Variants in ALDH6A1 observed in about 807,000 individuals in gnomAD.
ALDH6A1 encodes aldehyde dehydrogenase 6 family member A1.
ALDH6A1 carries 43 observed loss-of-function variants against 62.6 expected under a neutral mutation model. That is an observed-to-expected ratio of 0.69 (90% CI 0.54 to 0.89). The LOEUF is 0.89. ALDH6A1 is among the 40% of genes least tolerant of loss of function. ALDH6A1 has a pLI of 0.00. For missense variants in ALDH6A1, 551 were observed against 661.3 expected (o/e 0.83, Z 1.83); for synonymous variants, 194 against 234.2 (o/e 0.83, Z 1.57).
At chr14:74,066,973 T>C (rs928301513) in intron 8 of ALDH6A1, 87 bp from the exon 9 acceptor site, 11 of 1,327,302 alleles carry the variant, frequency 8.3e-6, no homozygotes, top group African/African-American at 4.3e-5. Flanking sequence ...CCCAAAGCTT[T>C]AGGAGGCCAA....
chr14:74,067,582 G>C lies in ALDH6A1; in HGVS notation c.853-13C>G. On this transcript the variant is annotated splice_polypyrimidine_tract_variant and intron_variant, in intron 7 of 11. Coordinates refer to ENST00000553458, the MANE Select transcript of ALDH6A1 (RefSeq NM_005589.4). The stretch of plus-strand genomic sequence containing the variant: ...GGTTCTTGGCTCCCTAAAAAAAAAT[G>C]CAGAAAGCACATGAGTCTTCCTTGG... 1 of 1,612,610 alleles carries C rather than the reference G, an allele frequency of 6.2e-7. No individual in the cohort carries two copies. Among genetic ancestry groups the C allele is most frequent in the Non-Finnish European group, 8.5e-7 (1 of 1,179,156 alleles).
In ALDH6A1 at chr14:74,062,051, G is replaced by GAAA. The variant is rs369414700; in HGVS notation, c.1504-1308_1504-1306dup. On this transcript the variant is annotated intron_variant, in intron 11 of 11. Coordinates refer to ENST00000553458, the MANE Select transcript of ALDH6A1 (RefSeq NM_005589.4). ...CATGGCGAAACCTCGTCTCTACTGG[G>GAAA]AAAAAAAAAAAAAAAAAAAAAAAAA... is the stretch of plus-strand genomic sequence containing the variant. Among the ~76,000 whole-genome samples, 192 of 59,592 alleles carry GAAA rather than the reference G, an allele frequency of 3.2e-3. 6 individuals carry two copies. Among genetic ancestry groups the GAAA allele is most frequent in the African/African-American group, 0.01 (177 of 16,956 alleles). The allele number at this position is 59,592 out of a possible 152,430, so 39.1% of individuals were successfully genotyped here. A position where few individuals can be genotyped will look rare whatever the true frequency, so the allele number is the denominator to read the frequency against.
In ALDH6A1 at chr14:74,062,051, GAAAAAAAAA is replaced by G. The variant is rs369414700; in HGVS notation, c.1504-1314_1504-1306del. Among the ~76,000 whole-genome samples, 4 of 59,578 alleles carry G rather than the reference GAAAAAAAAA, an allele frequency of 6.7e-5. No homozygotes were observed. In the Admixed American group the frequency reaches 7.4e-4, roughly 11 times the overall value. The allele number at this position is 59,578 out of a possible 152,430, so 39.1% of individuals were successfully genotyped here. A position where few individuals can be genotyped will look rare whatever the true frequency, so the allele number is the denominator to read the frequency against. On this transcript the variant is annotated intron_variant, in intron 11 of 11. Coordinates refer to ENST00000553458, the MANE Select transcript of ALDH6A1 (RefSeq NM_005589.4). ...CATGGCGAAACCTCGTCTCTACTGG[GAAAAAAAAA>G]AAAAAAAAAAAAAAAAAAAAGCTGG...
rs2060303634 is a variant in ALDH6A1, at chr14:74,059,978, G to C, written c.*664C>G. 1 of 154,440 alleles carries C rather than the reference G, an allele frequency of 6.5e-6. No individual in the cohort carries two copies. The highest frequency in any genetic ancestry group is 1.4e-5 in the Non-Finnish European group (1 of 69,578). The allele number at this position is 154,440 out of a possible 1,614,324, so 9.6% of individuals were successfully genotyped here. On this transcript the variant is annotated 3_prime_UTR_variant, in exon 12 of 12. Transcript: ENST00000553458. ...GATATATAAAAATGGATTATATCTT[G>C]TGTATTGTGGGATAAAAGAGGGGCT...
chr14:74,079,341 G>A (rs571295344), intron 1 of ALDH6A1, among the ~76,000 whole-genome samples: 13 of 151,918 alleles, frequency 8.6e-5, no homozygotes, highest in Admixed American at 8.5e-4. Flanking sequence ...CCACCTCCCG[G>A]GTTCAGGCGA....
intron 1 of ALDH6A1, among the ~76,000 whole-genome samples, chr14:74,075,998 A>G (rs2060609023): frequency 6.6e-6 from 1 of 152,234 alleles, no homozygotes; most frequent in African/African-American, 2.4e-5. Context: ...GTATGATTCT[A>G]CTTATGTAAC....
In ALDH6A1 at chr14:74,070,322, T is replaced by C. The variant is rs543218933; in HGVS notation, c.730+873A>G. On this transcript the variant is annotated intron_variant, in intron 6 of 11. Transcript: ENST00000553458. Reference sequence around the variant, plus strand: ...TCACCTGAGGTCAGGAGTTTGAGACTAGCCTGGCCAACATGGTGAAACCCC... The same window carrying C: ...TCACCTGAGGTCAGGAGTTTGAGACCAGCCTGGCCAACATGGTGAAACCCC... Among the ~76,000 whole-genome samples, 175 of 152,092 alleles carry C rather than the reference T, an allele frequency of 1.2e-3. 3 individuals carry two copies. The highest frequency in any genetic ancestry group is 9.3e-3 in the Admixed American group (142 of 15,276).
At chr14:74,061,710 CT>C (rs923449510) in intron 11 of ALDH6A1, among the ~76,000 whole-genome samples, 1 of 152,070 alleles carries the variant, frequency 6.6e-6, no homozygotes, top group Admixed American at 6.6e-5. Context: ...AGTAAAATGT[CT>C]GACATTATAC....
At chr14:74,062,524 C>A (rs1197817936) in intron 11 of ALDH6A1, among the ~76,000 whole-genome samples, 1 of 151,902 alleles carries the variant, frequency 6.6e-6, no homozygotes, top group Non-Finnish European at 1.5e-5. Flanking sequence ...TTGCTTGAAC[C>A]CTGGAGGCTG....
intron 1 of ALDH6A1, among the ~76,000 whole-genome samples, chr14:74,082,112 G>A (rs539609751): frequency 1.3e-5 from 2 of 152,266 alleles, no homozygotes; most frequent in Admixed American, 1.3e-4. Context: ...GGCTGAGATG[G>A]AAGAATCACT....
chr14:74,072,795 T>A (rs2060568647), intron 2 of ALDH6A1, among the ~76,000 whole-genome samples, 184 bp from the exon 3 acceptor site: 1 of 152,110 alleles, frequency 6.6e-6, no homozygotes, highest in Non-Finnish European at 1.5e-5. Flanking sequence ...ATTCTGTGTG[T>A]GTGTGTTTAT....
intron 6 of ALDH6A1, chr14:74,070,608 G>A (rs2060536523): frequency 6.2e-6 from 1 of 161,238 alleles, no homozygotes; most frequent in South Asian, 1.8e-4. Context: ...GTAATATAGT[G>A]TAGTTTTTAA....
intron 6 of ALDH6A1, among the ~76,000 whole-genome samples, chr14:74,070,232 C>T (rs780145108): frequency 6.6e-6 from 1 of 151,978 alleles, no homozygotes; most frequent in African/African-American, 2.4e-5. Context: ...TTAAGAATAA[C>T]AATAGGCAAG....
Position 74,058,056 on chromosome 14 carries a change from G to A in ALDH6A1, c.*2586C>T, listed in dbSNP as rs553057554. 29 of 352,498 alleles carry A rather than the reference G, an allele frequency of 8.2e-5. No individual in the cohort carries two copies. The highest frequency in any genetic ancestry group is 1.1e-4 in the Non-Finnish European group (28 of 251,214). The allele number at this position is 352,498 out of a possible 1,614,324, so 21.8% of individuals were successfully genotyped here. A position where few individuals can be genotyped will look rare whatever the true frequency, so the allele number is the denominator to read the frequency against. Reference sequence around the variant, plus strand: ...AAATATCACTACCAGGGCCAGGTGCGGTGGTTCACGCCTGTAATCCCAGCA... The same window carrying A: ...AAATATCACTACCAGGGCCAGGTGCAGTGGTTCACGCCTGTAATCCCAGCA... On this transcript the variant is annotated 3_prime_UTR_variant, in exon 12 of 12. Coordinates refer to ENST00000553458, the MANE Select transcript of ALDH6A1 (RefSeq NM_005589.4).
intron 5 of ALDH6A1, 183 bp from the exon 6 acceptor site, chr14:74,071,680 C>T (rs1329468386): frequency 1.3e-6 from 2 of 1,506,736 alleles, no homozygotes; most frequent in Non-Finnish European, 8.9e-7. Flanking sequence ...AAAAATACAG[C>T]GATATGTATA....
chr14:74,072,162 T>C, intron 4 of ALDH6A1, 41 bp downstream of exon 4: 1 of 1,613,822 alleles, frequency 6.2e-7, no homozygotes, highest in Non-Finnish European at 8.5e-7. Context: ...AAACATGCCC[T>C]AGGTGACAGT....
chr14:74,067,869 G>A (rs2060492860), intron 7 of ALDH6A1, among the ~76,000 whole-genome samples: 1 of 152,004 alleles, frequency 6.6e-6, no homozygotes, highest in Non-Finnish European at 1.5e-5. Flanking sequence ...AGGTTGCAGT[G>A]AGCCAAGATC....
At chr14:74,061,365 G>A (rs1201748030) in intron 11 of ALDH6A1, among the ~76,000 whole-genome samples, 1 of 151,800 alleles carries the variant, frequency 6.6e-6, no homozygotes, top group Non-Finnish European at 1.5e-5. Context: ...GCAGTGGTGT[G>A]ATCTTGGCTC....
chr14:74,057,953 G>A lies in ALDH6A1; in HGVS notation c.*2689C>T. ...TAAGGAAAATGTTAGGAATCTCTGTGACTACATTTAATTCCACTTGGAATA... is the reference window on the plus strand; with the variant it reads ...TAAGGAAAATGTTAGGAATCTCTGTAACTACATTTAATTCCACTTGGAATA... On this transcript the variant is annotated 3_prime_UTR_variant, in exon 12 of 12. Coordinates refer to ENST00000553458, the MANE Select transcript of ALDH6A1 (RefSeq NM_005589.4). The A allele has an allele frequency of 1.1e-6, 1 of 934,184 alleles. No individual in the cohort carries two copies. The highest frequency in any genetic ancestry group is 1.3e-6 in the Non-Finnish European group (1 of 780,678). The allele number at this position is 934,184 out of a possible 1,614,324, so 57.9% of individuals were successfully genotyped here. A position where few individuals can be genotyped will look rare whatever the true frequency, so the allele number is the denominator to read the frequency against.
Sources: gnomAD v4.1 joint callset for allele counts (sites outside exome capture counted in the v4.1 genomes callset) on GRCh38, gnomAD v4.1.1 for gene constraint, MANE v1.5 for transcripts, NCBI Gene and HGNC (gene_info 2026-07-23, HGNC 2026-07-21) for gene names.